The following WDR41 variants were observed in gnomAD, a reference collection of about 807,000 sequenced individuals.
WDR41 encodes WD repeat domain 41, also known as WD repeat-containing protein 41.
WDR41 carries 63 observed loss-of-function variants against 69.3 expected under a neutral mutation model. The observed-to-expected ratio is 0.91, with a 90% CI of 0.74 to 1.12. The LOEUF is 1.12. Ranked by LOEUF, WDR41 falls within the 50% of genes most tolerant of loss-of-function variation. The pLI is 0.00. For synonymous variants in WDR41, 185 were observed against 192.1 expected (o/e 0.96, Z 0.31); for missense variants, 543 against 534.5 (o/e 1.02, Z -0.16).
intron 1 of WDR41, among the ~76,000 whole-genome samples, chr5:77,564,493 T>G (rs1743583766): frequency 6.6e-6 from 1 of 152,218 alleles, no homozygotes; most frequent in African/African-American, 2.4e-5. Context: ...CAACATAGTT[T>G]TGTCACAACT....
intron 1 of WDR41, among the ~76,000 whole-genome samples, chr5:77,602,997 G>A (rs1744352323): frequency 6.7e-6 from 1 of 149,070 alleles, no homozygotes; most frequent in African/African-American, 2.5e-5. Context: ...AGAGTGCAGT[G>A]GCTCAATCTC....
rs143877369 is a variant in WDR41 at position 77,571,132 on chromosome 5, C to T, written c.42+49347G>A. On this transcript the variant is annotated intron_variant, in intron 1 of 5. Coordinates refer to the WDR41 transcript ENST00000509971. ...CAATGAATGCTCCACTGATAAATCC[C>T]ACTTTACATAAAATTAATAAAAATA... is the stretch of plus-strand genomic sequence containing the variant. Among the ~76,000 whole-genome samples, 38 of 152,158 alleles carry T rather than the reference C, an allele frequency of 2.5e-4. No individual in the cohort carries two copies. The East Asian group carries it at 6.2e-3, about 25-fold the overall frequency.
chr5:77,606,101 C>G (rs1193199231), intron 1 of WDR41, among the ~76,000 whole-genome samples: 1 of 152,164 alleles, frequency 6.6e-6, no homozygotes, highest in African/African-American at 2.4e-5. Context: ...ACCTTCCAAG[C>G]AGAATTCATC....
At chr5:77,439,139 G>A (rs1799059491) in intron 9 of WDR41, among the ~76,000 whole-genome samples, 1 of 152,166 alleles carries the variant, frequency 6.6e-6, no homozygotes, top group African/African-American at 2.4e-5. Context: ...CTCACATGCA[G>A]TAGTAGCCTT....
At chr5:77,589,346 G>A (rs988455133) in intron 1 of WDR41, among the ~76,000 whole-genome samples, 1 of 151,940 alleles carries the variant, frequency 6.6e-6, no homozygotes, top group African/African-American at 2.4e-5. Flanking sequence ...AACTGTCAGA[G>A]TTATTCATTT....
intron 2 of WDR41, among the ~76,000 whole-genome samples, chr5:77,478,342 T>C (rs1581748952): frequency 1.3e-5 from 2 of 152,208 alleles, no homozygotes; most frequent in African/African-American, 4.8e-5. Context: ...AGCATCATCC[T>C]GATACCAAAG....
At chr5:77,506,795 C>A (rs375128366) in intron 1 of WDR41, among the ~76,000 whole-genome samples, 2 of 152,050 alleles carry the variant, frequency 1.3e-5, no homozygotes, top group East Asian at 1.9e-4. Context: ...AGACAGAAAA[C>A]CAAACACCAT....
At chr5:77,535,317 A>C (rs1561217243) in intron 1 of WDR41, among the ~76,000 whole-genome samples, 1 of 152,144 alleles carries the variant, frequency 6.6e-6, no homozygotes, top group Non-Finnish European at 1.5e-5. Context: ...GAAACATGCT[A>C]TATTTATGCA....
At chr5:77,604,978 C>T (rs1463401096) in intron 1 of WDR41, among the ~76,000 whole-genome samples, 2 of 150,168 alleles carry the variant, frequency 1.3e-5, no homozygotes, top group African/African-American at 5.1e-5. Context: ...CTCTAGGATA[C>T]ACAGGAAACA....
intron 1 of WDR41, among the ~76,000 whole-genome samples, chr5:77,500,280 A>G (rs1801998141): frequency 2.0e-5 from 3 of 152,212 alleles, no homozygotes; most frequent in Admixed American, 2.0e-4. Context: ...AAAATTTTAC[A>G]TTTAACATAC....
intron 8 of WDR41, among the ~76,000 whole-genome samples, chr5:77,442,422 A>G (rs388924): frequency 0.56 from 85,444 of 151,970 alleles, 24,569 homozygotes; most frequent in African/African-American, 0.68. Flanking sequence ...ACAGTAAACC[A>G]TATTAATACA....
intron 1 of WDR41, among the ~76,000 whole-genome samples, chr5:77,616,416 C>G (rs1023144954): frequency 6.6e-6 from 1 of 152,174 alleles, no homozygotes; most frequent in Non-Finnish European, 1.5e-5. Context: ...AATGTAGCAG[C>G]ACATCTGACC....
intron 1 of WDR41, among the ~76,000 whole-genome samples, chr5:77,545,133 A>C (rs1161613924): frequency 6.6e-6 from 1 of 152,142 alleles, no homozygotes; most frequent in African/African-American, 2.4e-5. Flanking sequence ...CAATAGTGAC[A>C]CAACCTATCA....
intron 7 of WDR41, 130 bp from the exon 8 acceptor site, chr5:77,450,000 A>C: frequency 1.5e-6 from 1 of 652,314 alleles, no homozygotes; most frequent in Admixed American, 3.0e-5. Flanking sequence ...CTCCAAAAAA[A>C]AGCCTTATTC....
intron 1 of WDR41, among the ~76,000 whole-genome samples, chr5:77,521,190 G>A (rs1802365339): frequency 6.6e-6 from 1 of 152,188 alleles, no homozygotes. Flanking sequence ...ATGATTTGGG[G>A]ATAAAACTGT....
intron 1 of WDR41, among the ~76,000 whole-genome samples, chr5:77,609,992 G>A (rs199604594): frequency 0.045 from 6,728 of 150,692 alleles, 232 homozygotes; most frequent in East Asian, 0.17. Flanking sequence ...GCCAAGGCTC[G>A]AGAACTACGT....
chr5:77,474,300 G>T (rs1001594451), intron 2 of WDR41, among the ~76,000 whole-genome samples: 2 of 151,992 alleles, frequency 1.3e-5, no homozygotes, highest in Admixed American at 1.3e-4. Flanking sequence ...TGGGGGGAGT[G>T]GGGAGGGATA....
In WDR41 at chr5:77,509,830, A is replaced by T. The variant is rs554747257; in HGVS notation, c.43-20258T>A. 1.1e-4 allele frequency among the ~76,000 whole-genome samples: 16 copies of T among 152,360 alleles called. No homozygotes were observed. In the South Asian group the frequency reaches 1.4e-3, roughly 14 times the overall value. On this transcript the variant is annotated intron_variant, in intron 1 of 5. Transcript: ENST00000509971. ...TAAATTGTATACTTTAAATGGGTAG[A>T]TTATATGATATGTGATTTATATCTC... is the stretch of plus-strand genomic sequence containing the variant.
chr5:77,616,558 G>C (rs1200133586), intron 1 of WDR41, among the ~76,000 whole-genome samples: 1 of 152,160 alleles, frequency 6.6e-6, no homozygotes, highest in Non-Finnish European at 1.5e-5. Context: ...TTGCTCTCCT[G>C]AAACAGCTAT....
Sources: gnomAD v4.1 joint callset for allele counts (sites outside exome capture counted in the v4.1 genomes callset) on GRCh38, gnomAD v4.1.1 for gene constraint, MANE v1.5 for transcripts, NCBI Gene and HGNC (gene_info 2026-07-23, HGNC 2026-07-21) for gene names.